The following DONSON variants were observed in gnomAD, a reference collection of about 807,000 sequenced individuals.
DONSON encodes DNA replication fork stabilization factor DONSON.
Under a neutral mutation model 62.1 loss-of-function variants are expected in DONSON, and 43 were observed. The ratio of observed to expected loss-of-function variants is 0.69; its 90% confidence interval spans 0.54 to 0.89. The LOEUF (loss-of-function observed/expected upper bound fraction) is 0.89. Among genes scored for constraint, DONSON ranks in the 40% least tolerant of loss-of-function variants. DONSON has a pLI of 0.00. For synonymous variants in DONSON, 266 were observed against 264.6 expected, an observed-to-expected ratio of 1.01 and a Z score of -0.05; for missense variants, 696 against 697.5, an observed-to-expected ratio of 1.00 and a Z score of 0.03.
Position 33,588,383 on chromosome 21 carries a change from G to C in DONSON, c.259C>G (p.Pro87Ala). 3 of 1,294,694 alleles carry C rather than the reference G, an allele frequency of 2.3e-6. No individual in the cohort carries two copies. The highest frequency in any genetic ancestry group is 2.9e-6 in the Non-Finnish European group (3 of 1,026,266). 80.2% of individuals were successfully genotyped at this position (1,294,694 alleles called of 1,614,324 possible). Residue 87 changes from proline to alanine, a missense_variant, in exon 1 of 10, where the codon CCG (proline) becomes GCG (alanine). Transcript: ENST00000303071. ...RNPFARLDNR[P>A]RVAAEPPDGP... ...TCGGGGGGCTCCGCGGCGACCCGCG[G>C]TCGGTTGTCCAGGCGGGCGAAGGGG...
At position 33,584,598 on chromosome 21, in the gene DONSON, C is replaced by T. The variant is rs762810588; in HGVS notation, c.777G>A (p.Met259Ile). 6.2e-7 allele frequency: 1 copy of T among 1,601,634 alleles called. No homozygotes were observed. The highest frequency in any genetic ancestry group is 8.5e-7 in the Non-Finnish European group (1 of 1,174,084). The change falls in exon 4 of 10, where the codon ATG becomes ATA. Residue 259 changes from methionine to isoleucine, a missense_variant. By Grantham distance (10) the Met-to-Ile change is conservative (BLOSUM62 1). Transcript: ENST00000303071. ...TCTCTTACTAATCTTACCAGTCACT[C>T]ATTAAAACATGCTGCAGGGTTGCAT... The part of the protein sequence containing the change: ...SNDATLQHVL[M>I]SDWSVSFTSL...
intron 5 of DONSON, among the ~76,000 whole-genome samples, chr21:33,583,153 A>C (rs998408248): frequency 7.1e-6 from 1 of 141,586 alleles, no homozygotes; most frequent in Non-Finnish European, 1.5e-5. Flanking sequence ...GTGAGCCGAG[A>C]TTGCACCACT....
Position 33,578,417 on chromosome 21 carries a change from A to G in DONSON, c.1591T>C (p.Cys531Arg). Reference protein sequence around the residue: ...MEVVHKELTNCGLHPNTLEQL... With the variant: ...MEVVHKELTNRGLHPNTLEQL... Reference sequence around the variant, plus strand: ...TCCAGAGTGTTAGGGTGCAAACCACAGTTAGTAAGCTCCTTATGAACAACC... The same window carrying G: ...TCCAGAGTGTTAGGGTGCAAACCACGGTTAGTAAGCTCCTTATGAACAACC... The change falls in exon 10 of 10, where the codon TGT (cysteine) becomes CGT (arginine). Residue 531 changes from cysteine (C) to arginine (R), a missense_variant. Cys to Arg is a radical substitution (Grantham distance 180, BLOSUM62 -3). Transcript: ENST00000303071. 2.5e-6 allele frequency: 4 copies of G among 1,613,896 alleles called. No homozygotes were observed. Among genetic ancestry groups the G allele is most frequent in the Non-Finnish European group, 3.4e-6 (4 of 1,179,876 alleles).
At chr21:33,583,360 T>C in intron 5 of DONSON, 128 bp downstream of exon 5, 1 of 813,504 alleles carries the variant, frequency 1.2e-6, no homozygotes, top group South Asian at 3.5e-5. Flanking sequence ...AAGCCAGAAA[T>C]AAAGAAATAA....
At chr21:33,587,747 C>A (rs1413837652) in intron 1 of DONSON, 145 bp from the exon 2 acceptor site, 4 of 566,848 alleles carry the variant, frequency 7.1e-6, no homozygotes, top group Non-Finnish European at 9.4e-6. Context: ...CTATGAGTTT[C>A]AACACTTCAG....
rs543508785 is a variant in DONSON, at chr21:33,588,661, T to C, written c.-20A>G. The C allele has an allele frequency of 1.1e-4, 131 of 1,229,636 alleles. 1 individual carries two copies. In the African/African-American group the frequency reaches 1.9e-3, roughly 18 times the overall value. The allele number at this position is 1,229,636 out of a possible 1,614,324, so 76.2% of individuals were successfully genotyped here. On this transcript the variant is annotated 5_prime_UTR_variant, in exon 1 of 10. Coordinates refer to ENST00000303071, the MANE Select transcript of DONSON (RefSeq NM_017613.4). ...GGCCATGACGCGCGGCGGCTGAGGG[T>C]AGCCGGCCGCCCTACAGAGACTTCC...
rs867123196 is a variant in DONSON, at chr21:33,582,807, C to T, written c.965-561G>A. On this transcript the variant is annotated intron_variant, in intron 5 of 9. Coordinates refer to ENST00000303071, the MANE Select transcript of DONSON (RefSeq NM_017613.4). ...CGAGTGAACATTACTGCCTGAGCTC[C>T]ATCTCCTGTCACATCAGTGGTCGCA... Among the ~76,000 whole-genome samples the T allele has an allele frequency of 3.3e-5, 5 of 152,236 alleles. No homozygotes were observed. The Middle Eastern group carries it at 0.01, about 311-fold the overall frequency.
chr21:33,579,324 C>CA (rs1397293496), intron 9 of DONSON, 26 bp downstream of exon 9: 19 of 1,477,574 alleles, frequency 1.3e-5, no homozygotes, highest in African/African-American at 2.8e-5. Flanking sequence ...ACAACTAAAA[C>CA]AGTCTGCTCA....
At position 33,581,519 on chromosome 21, in the gene DONSON, G is replaced by T; in HGVS notation, c.1152-19C>A. On this transcript the variant is annotated intron_variant, in intron 7 of 9. Transcript: ENST00000303071. ...TTTACGCCTGAAGATGACAATCAAG[G>T]AAATTGCAAAAGCAAATCTCACCTA... The T allele has an allele frequency of 6.2e-7, 1 of 1,603,420 alleles. No individual in the cohort carries two copies. Among genetic ancestry groups the T allele is most frequent in the Non-Finnish European group, 8.5e-7 (1 of 1,173,034 alleles).
Position 33,587,608 on chromosome 21 carries a change from G to A in DONSON, c.322-6C>T. On this transcript the variant is annotated splice_polypyrimidine_tract_variant and splice_region_variant and intron_variant, in intron 1 of 9. Transcript: ENST00000303071. ...TCTTGATTAGAATCTAAAAACTGAG[G>A]TTAAATATATTCTCCTTTAAAATTT... 1.9e-6 allele frequency: 3 copies of A among 1,566,674 alleles called. No individual in the cohort carries two copies. The highest frequency in any genetic ancestry group is 1.7e-6 in the Non-Finnish European group (2 of 1,154,932).
Position 33,579,487 on chromosome 21 carries a change from T to C in DONSON, c.1426A>G (p.Ile476Val), listed in dbSNP as rs770802007. 12 of 1,614,102 alleles carry C rather than the reference T, an allele frequency of 7.4e-6. No individual in the cohort carries two copies. The highest frequency in any genetic ancestry group is 1.1e-5 in the South Asian group (1 of 91,090). ...AGTGAATGCAGAGAATGAGGCATGA[T>C]AGGACCTGTAATCTCCAAACTAAAT... ...DQFSLEITGP[I>V]MPHSLHSLTM... The change falls in exon 9 of 10, where the codon ATC (isoleucine) becomes GTC (valine). Residue 476 changes from isoleucine to valine, a missense_variant. Physicochemically the swap from Ile to Val is conservative, Grantham distance 29. Transcript: ENST00000303071.
intron 5 of DONSON, among the ~76,000 whole-genome samples, chr21:33,582,671 C>T (rs989729468): frequency 1.3e-5 from 2 of 152,128 alleles, no homozygotes; most frequent in African/African-American, 4.8e-5. Flanking sequence ...TCAGAGAACA[C>T]TATGTGGAAG....
At chr21:33,578,621 A>T (rs1044366122) in intron 9 of DONSON, among the ~76,000 whole-genome samples, 177 bp from the exon 10 acceptor site, 1 of 152,230 alleles carries the variant, frequency 6.6e-6, no homozygotes, top group Non-Finnish European at 1.5e-5. Context: ...TAATGGTTAT[A>T]AGTCTAGCCA....
At position 33,588,464 on chromosome 21, in the gene DONSON, C is replaced by G. The variant is rs1309167225; in HGVS notation, c.178G>C (p.Ala60Pro). 7 of 1,299,368 alleles carry G rather than the reference C, an allele frequency of 5.4e-6. No individual in the cohort carries two copies. The highest frequency in any genetic ancestry group is 5.9e-6 in the Non-Finnish European group (6 of 1,025,122). The allele number at this position is 1,299,368 out of a possible 1,614,324, so 80.5% of individuals were successfully genotyped here. A position where few individuals can be genotyped will look rare whatever the true frequency, so the allele number is the denominator to read the frequency against. ...VAGLPLRPFPAAGGRGGGSGG... is the reference protein window; with the variant it reads ...VAGLPLRPFPPAGGRGGGSGG... ...CTGCCACCGCCTCTGCCCCCCGCAG[C>G]AGGGAAAGGGCGAAGAGGCAGCCCC... The change falls in exon 1 of 10, where the codon GCT (alanine) becomes CCT (proline). Residue 60 changes from alanine to proline, a missense_variant. By Grantham distance (27) the Ala-to-Pro change is conservative. Transcript: ENST00000303071.
At position 33,581,988 on chromosome 21, in the gene DONSON, C is replaced by T; in HGVS notation, c.1114G>A (p.Asp372Asn). Residue 372 changes from aspartate (D) to asparagine (N), a missense_variant, in exon 7 of 10, where the codon GAT (aspartate) becomes AAT (asparagine). By Grantham distance (23) the Asp-to-Asn change is conservative. Transcript: ENST00000303071. ...AGTATGTCTGGCTTTTTAATTTTATCTTGCACACCCATCTCTTCCAGCCAG... is the reference window on the plus strand; with the variant it reads ...AGTATGTCTGGCTTTTTAATTTTATTTTGCACACCCATCTCTTCCAGCCAG... ...FSWLEEMGVQ[D>N]KIKKPDILSI... 1.2e-6 allele frequency: 2 copies of T among 1,614,132 alleles called. No homozygotes were observed. The highest frequency in any genetic ancestry group is 1.7e-6 in the Non-Finnish European group (2 of 1,179,992).
intron 4 of DONSON, among the ~76,000 whole-genome samples, chr21:33,584,005 G>A (rs2086547274): frequency 7.4e-6 from 1 of 134,708 alleles, no homozygotes; most frequent in Non-Finnish European, 1.6e-5. Context: ...AAGAATTAGG[G>A]CTGCGTGTTT....
intron 2 of DONSON, among the ~76,000 whole-genome samples, chr21:33,586,693 G>C (rs1375603379): frequency 6.6e-6 from 1 of 152,028 alleles, no homozygotes; most frequent in African/African-American, 2.4e-5. Context: ...GAGTGAAGTG[G>C]TGTGATCTCG....
intron 2 of DONSON, among the ~76,000 whole-genome samples, chr21:33,586,922 G>A (rs1412916473): frequency 6.6e-6 from 1 of 152,184 alleles, no homozygotes; most frequent in Non-Finnish European, 1.5e-5. Flanking sequence ...TTACAGACAT[G>A]AGCCACTGTG....
intron 9 of DONSON, among the ~76,000 whole-genome samples, chr21:33,578,889 C>T (rs887141421): frequency 1.3e-5 from 2 of 152,202 alleles, no homozygotes; most frequent in African/African-American, 4.8e-5. Flanking sequence ...GTAATCCCAA[C>T]ATTTTGGGAG....
Sources: allele counts gnomAD v4.1 joint callset (sites outside exome capture counted in the v4.1 genomes callset), GRCh38; gene constraint gnomAD v4.1.1; transcripts MANE v1.5; gene names NCBI Gene and HGNC (gene_info 2026-07-23, HGNC 2026-07-21).